MKLN1: variants seen among roughly 807,000 people sequenced by gnomAD.
MKLN1 encodes muskelin.
MKLN1 carries 18 observed loss-of-function variants against 99.0 expected under a neutral mutation model. The observed-to-expected ratio is 0.18, with a 90% confidence interval of 0.13 to 0.27. MKLN1 has a LOEUF of 0.27. MKLN1 is among the 10% of genes least tolerant of loss of function. MKLN1 has a pLI of 1.00. For synonymous variants in MKLN1, 288 were observed against 293.2 expected (o/e 0.98, Z 0.18); for missense variants, 621 against 875.9 (o/e 0.71, Z 3.67).
chr7:131,137,346 A>G (rs1236125530), intron 1 of MKLN1, among the ~76,000 whole-genome samples: 1 of 152,162 alleles, frequency 6.6e-6, no homozygotes, highest in East Asian at 1.9e-4. Flanking sequence ...ATATATGCAG[A>G]ATTTGTACCT....
intron 1 of MKLN1, among the ~76,000 whole-genome samples, chr7:131,354,264 A>G (rs1799808306): frequency 1.3e-5 from 2 of 151,826 alleles, no homozygotes; most frequent in East Asian, 3.8e-4. Context: ...CGAGCACAAT[A>G]TGTCTTCCAT....
At chr7:131,289,690 CA>C (rs1264407915) in intron 3 of MKLN1, among the ~76,000 whole-genome samples, 4 of 152,224 alleles carry the variant, frequency 2.6e-5, no homozygotes, top group Non-Finnish European at 4.4e-5. Flanking sequence ...TCCTGTACCT[CA>C]GTTTCCTCAT....
At chr7:131,486,706 A>G (rs550849920) in intron 17 of MKLN1, among the ~76,000 whole-genome samples, 1 of 152,226 alleles carries the variant, frequency 6.6e-6, no homozygotes, top group Non-Finnish European at 1.5e-5. Flanking sequence ...GGATAGGGGA[A>G]ATTATTTATT....
chr7:131,141,307 T>G lies in MKLN1; in HGVS notation c.-418-1513T>G, dbSNP rs79072059. ...AAAACAAACACGTCAAAGGCTTAAC[T>G]CAGCACCTTCTCTCCAAAATCTCCT... On this transcript the variant is annotated intron_variant, in intron 1 of 7. Transcript: ENST00000416992. 4.1e-3 allele frequency among the ~76,000 whole-genome samples: 619 copies of G among 152,316 alleles called. 3 individuals are homozygous for G. Among genetic ancestry groups the G allele is most frequent in the African/African-American group, 0.014 (593 of 41,566 alleles).
rs72403035 is a variant in MKLN1 at position 131,175,185 on chromosome 7, C to CAGATAGAT, written c.-296-27656_-296-27649dup. ...AGATAGATTAGATTAGATAGATAGA[C>CAGATAGAT]AGATAGATAGATAGATAGATAGAAT... On this transcript the variant is annotated intron_variant, in intron 2 of 7. Coordinates refer to the MKLN1 transcript ENST00000416992. Among the ~76,000 whole-genome samples the CAGATAGAT allele has an allele frequency of 1.5e-3, 210 of 140,812 alleles. 4 individuals are homozygous for CAGATAGAT. Among genetic ancestry groups the CAGATAGAT allele is most frequent in the African/African-American group, 5.4e-3 (196 of 36,282 alleles). 92.4% of individuals were successfully genotyped at this position (140,812 alleles called of 152,430 possible). A position where few individuals can be genotyped will look rare whatever the true frequency, so the allele number is the denominator to read the frequency against.
intron 2 of MKLN1, among the ~76,000 whole-genome samples, chr7:131,175,894 C>T (rs1351642278): frequency 7.7e-6 from 1 of 130,180 alleles, no homozygotes; most frequent in African/African-American, 2.7e-5. Flanking sequence ...AGTGAGACTC[C>T]ACTCAAAAAA....
chr7:131,357,550 A>C (rs1029700076), intron 1 of MKLN1, among the ~76,000 whole-genome samples: 1 of 152,170 alleles, frequency 6.6e-6, no homozygotes, highest in African/African-American at 2.4e-5. Flanking sequence ...CCGCCATACT[A>C]ATTTATCCAA....
chr7:131,315,061 C>T (rs573473328), intron 3 of MKLN1, among the ~76,000 whole-genome samples: 2 of 152,148 alleles, frequency 1.3e-5, no homozygotes, highest in African/African-American at 2.4e-5. Context: ...ACCATGCCTG[C>T]GTGAATCTGT....
At chr7:131,399,057 A>G (rs1794447375) in intron 5 of MKLN1, among the ~76,000 whole-genome samples, 184 bp from the exon 6 acceptor site, 1 of 152,224 alleles carries the variant, frequency 6.6e-6, no homozygotes, top group Non-Finnish European at 1.5e-5. Flanking sequence ...GAACAGGCCA[A>G]GCTTTAGTTT....
intron 9 of MKLN1, among the ~76,000 whole-genome samples, chr7:131,431,152 G>T (rs1795509891): frequency 6.6e-6 from 1 of 151,876 alleles, no homozygotes; most frequent in South Asian, 2.1e-4. Context: ...AACCCAGGAG[G>T]CGGAGGTTGC....
intron 1 of MKLN1, among the ~76,000 whole-genome samples, chr7:131,131,138 T>G (rs1795544999): frequency 6.7e-6 from 1 of 149,786 alleles, no homozygotes; most frequent in Admixed American, 6.7e-5. Flanking sequence ...GGAGGATCGC[T>G]TGAGCTCAAG....
intron 3 of MKLN1, among the ~76,000 whole-genome samples, chr7:131,285,379 T>G (rs1431864181): frequency 3.3e-5 from 5 of 152,214 alleles, no homozygotes; most frequent in African/African-American, 1.2e-4. Context: ...GATGCGCTCA[T>G]ACCTTGTCCA....
intron 8 of MKLN1, among the ~76,000 whole-genome samples, chr7:131,423,660 G>A (rs546495234): frequency 1.5e-4 from 23 of 152,124 alleles, no homozygotes; most frequent in Non-Finnish European, 2.8e-4. Flanking sequence ...TTTACATGTG[G>A]TACCACATAG....
chr7:131,386,270 C>T (rs1245003252), intron 2 of MKLN1, among the ~76,000 whole-genome samples: 1 of 152,130 alleles, frequency 6.6e-6, no homozygotes, highest in Non-Finnish European at 1.5e-5. Context: ...CCTCGGCCTC[C>T]CAAAGTGCTG....
At chr7:131,468,792 A>C (rs906723402) in intron 15 of MKLN1, among the ~76,000 whole-genome samples, 2 of 152,204 alleles carry the variant, frequency 1.3e-5, no homozygotes, top group Non-Finnish European at 2.9e-5. Context: ...AGCTTAGAAA[A>C]TGAAGATGGA....
At position 131,399,344 on chromosome 7, in the gene MKLN1, A is replaced by G; in HGVS notation, c.614A>G (p.Glu205Gly). The change falls in exon 6 of 18, where the codon GAA becomes GGA. Residue 205 changes from glutamate (E) to glycine (G), a missense_variant. By Grantham distance (98) the Glu-to-Gly change is moderately conservative. Transcript: ENST00000352689. ...CAAAAGAAAACCAAGATTGCACTGG[A>G]ACATCCCATGTTAACAGATATTCAT... The part of the protein sequence containing the change: ...SLQKKTKIAL[E>G]HPMLTDIHDK... 6.2e-7 allele frequency: 1 copy of G among 1,614,014 alleles called. No individual in the cohort carries two copies. The highest frequency in any genetic ancestry group is 8.5e-7 in the Non-Finnish European group (1 of 1,179,912).
At chr7:131,272,846 C>T (rs1211910881) in intron 3 of MKLN1, among the ~76,000 whole-genome samples, 1 of 152,118 alleles carries the variant, frequency 6.6e-6, no homozygotes, top group African/African-American at 2.4e-5. Flanking sequence ...TTCAATTACC[C>T]CTCCCCGGGT....
At chr7:131,436,402 T>C (rs986190246) in intron 9 of MKLN1, among the ~76,000 whole-genome samples, 5 of 152,212 alleles carry the variant, frequency 3.3e-5, no homozygotes, top group African/African-American at 9.7e-5. Context: ...AATTCTGTTA[T>C]TTCTGCAGGA....
intron 11 of MKLN1, among the ~76,000 whole-genome samples, 180 bp downstream of exon 11, chr7:131,443,882 T>G (rs1453917337): frequency 6.6e-6 from 1 of 152,132 alleles, no homozygotes; most frequent in African/African-American, 2.4e-5. Flanking sequence ...ACCTGGTAAT[T>G]CCTAAATAGT....
Sources: gnomAD v4.1 joint callset for allele counts (sites outside exome capture counted in the v4.1 genomes callset) on GRCh38, gnomAD v4.1.1 for gene constraint, MANE v1.5 for transcripts, NCBI Gene and HGNC (gene_info 2026-07-23, HGNC 2026-07-21) for gene names.